The following FGD5 variants were observed in gnomAD, a reference collection of about 807,000 sequenced individuals.
The protein encoded by FGD5 is FYVE, RhoGEF and PH domain-containing protein 5.
A neutral mutation model predicts 133.4 loss-of-function variants in FGD5; 28 were observed. The observed-to-expected ratio is 0.21, with a 90% CI of 0.16 to 0.29. The LOEUF (loss-of-function observed/expected upper bound fraction) is 0.29, where lower values mean the gene tolerates loss of function less well. FGD5 is among the 10% of genes least tolerant of loss of function. The probability of loss-of-function intolerance (pLI) is 1.00; values close to 1 mark genes in which losing one functional copy is unlikely to be tolerated. For synonymous variants in FGD5, 810 were observed against 776.5 expected (o/e 1.04, Z -0.72); for missense variants, 1,858 against 1,895.2 (o/e 0.98, Z 0.36).
intron 4 of FGD5, among the ~76,000 whole-genome samples, chr3:14,891,429 G>A (rs2038025314): frequency 6.6e-6 from 1 of 152,248 alleles, no homozygotes; most frequent in Non-Finnish European, 1.5e-5. Context: ...TCTCTTTACA[G>A]CTTAGCCATG....
At chr3:14,932,377 C>G in intron 18 of FGD5, 200 bp from the exon 19 acceptor site, 1 of 567,366 alleles carries the variant, frequency 1.8e-6, no homozygotes, top group Non-Finnish European at 3.0e-6. Flanking sequence ...GCCACCACAC[C>G]CAGCCAGTGT....
chr3:14,877,656 T>G lies in FGD5; in HGVS notation c.2659-2916T>G, dbSNP rs553049857. Among the ~76,000 whole-genome samples, 9 of 152,294 alleles carry G rather than the reference T, an allele frequency of 5.9e-5. No individual in the cohort carries two copies. In the South Asian group the frequency reaches 1.7e-3, roughly 28 times the overall value. Reference sequence around the variant, plus strand: ...CAGCATAGTTGTCTTTGTGCCATTGTGGCCACGTTCTGAGGATCCGGAGTG... The same window carrying G: ...CAGCATAGTTGTCTTTGTGCCATTGGGGCCACGTTCTGAGGATCCGGAGTG... On this transcript the variant is annotated intron_variant, in intron 2 of 19. Coordinates refer to ENST00000285046, the MANE Select transcript of FGD5 (RefSeq NM_152536.4).
Position 14,929,934 on chromosome 3 carries a change from C to T in FGD5, c.4198-2643C>T, listed in dbSNP as rs372340830. On this transcript the variant is annotated intron_variant, in intron 18 of 19. Transcript: ENST00000285046. ...CTGTGTGCTAAGGCATTTTTGTCTA[C>T]GCAAGCTACAAAGTTATTTTCCTCT... 1.6e-4 allele frequency among the ~76,000 whole-genome samples: 24 copies of T among 152,300 alleles called. 2 individuals are homozygous for T. The South Asian group carries it at 2.1e-3, about 13-fold the overall frequency.
chr3:14,897,404 T>C, intron 4 of FGD5, 105 bp from the exon 5 acceptor site: 1 of 1,338,608 alleles, frequency 7.5e-7, no homozygotes, highest in Non-Finnish European at 1.0e-6. Flanking sequence ...TCCTCACTGC[T>C]GTCTTCACAG....
chr3:14,838,353 G>T (rs796469795), intron 1 of FGD5, among the ~76,000 whole-genome samples: 1 of 152,136 alleles, frequency 6.6e-6, no homozygotes, highest in Non-Finnish European at 1.5e-5. Context: ...TAATCTCCAC[G>T]TTATAACCTT....
intron 9 of FGD5, among the ~76,000 whole-genome samples, chr3:14,904,931 G>A (rs2038309783): frequency 6.6e-6 from 1 of 152,094 alleles, no homozygotes. Context: ...TGGGATTATA[G>A]GCATGAGCCA....
At chr3:14,905,571 A>G (rs2038323057) in intron 9 of FGD5, among the ~76,000 whole-genome samples, 2 of 152,036 alleles carry the variant, frequency 1.3e-5, no homozygotes, top group Non-Finnish European at 1.5e-5. Flanking sequence ...AAACCTGTCA[A>G]AGGAATTCTT....
Position 14,852,162 on chromosome 3 carries a change from A to G in FGD5, c.2526-11966A>G, listed in dbSNP as rs140155411. ...TGCGTACACAGATATTCACAGCAGCATTATACATGATAGCCAAAAAGAAAC... is the reference window on the plus strand; with the variant it reads ...TGCGTACACAGATATTCACAGCAGCGTTATACATGATAGCCAAAAAGAAAC... On this transcript the variant is annotated intron_variant, in intron 1 of 19. Transcript: ENST00000285046. 1.6e-3 allele frequency among the ~76,000 whole-genome samples: 238 copies of G among 152,366 alleles called. 1 individual carries two copies. The highest frequency in any genetic ancestry group is 5.3e-3 in the African/African-American group (220 of 41,582).
chr3:14,852,644 G>A (rs995808528), intron 1 of FGD5, among the ~76,000 whole-genome samples: 1 of 152,224 alleles, frequency 6.6e-6, no homozygotes. Context: ...TGATGCTGCT[G>A]CGTTTTAAGA....
chr3:14,835,598 A>G (rs1337595349), intron 1 of FGD5, among the ~76,000 whole-genome samples: 2 of 152,250 alleles, frequency 1.3e-5, no homozygotes, highest in Admixed American at 1.3e-4. Context: ...ATACTTGTGC[A>G]CTGCACTTTA....
At chr3:14,895,473 A>G (rs988856885) in intron 4 of FGD5, among the ~76,000 whole-genome samples, 1 of 152,170 alleles carries the variant, frequency 6.6e-6, no homozygotes, top group Non-Finnish European at 1.5e-5. Context: ...TCCTTTCCCC[A>G]GTGTATATTC....
chr3:14,890,928 C>T (rs898395005), intron 4 of FGD5, among the ~76,000 whole-genome samples: 1 of 152,182 alleles, frequency 6.6e-6, no homozygotes, highest in Non-Finnish European at 1.5e-5. Context: ...GTACTGTTAT[C>T]CCCATTTTAC....
At position 14,819,693 on chromosome 3, in the gene FGD5, G is replaced by A. The variant is rs199756592; in HGVS notation, c.622G>A (p.Asp208Asn). Residue 208 changes from aspartate (D) to asparagine (N), a missense_variant, in exon 1 of 20, where the codon GAC (aspartate) becomes AAC (asparagine). Coordinates refer to ENST00000285046, the MANE Select transcript of FGD5 (RefSeq NM_152536.4). The surrounding 1 kb of genome is among the most constrained non-coding windows in gnomAD (Gnocchi z 4.1). ...CCATGGAGAGGACCAGGAGCCCCCC[G>A]ACACCCCCGGGGAGGCAGAGGAGGA... The part of the protein sequence containing the change: ...HIHGEDQEPP[D>N]TPGEAEEDDE... 6.4e-5 allele frequency: 98 copies of A among 1,538,858 alleles called. No homozygotes were observed. Among genetic ancestry groups the A allele is most frequent in the African/African-American group, 1.1e-4 (8 of 72,916 alleles).
At chr3:14,852,394 A>G (rs1413394348) in intron 1 of FGD5, among the ~76,000 whole-genome samples, 1 of 152,260 alleles carries the variant, frequency 6.6e-6, no homozygotes, top group East Asian at 1.9e-4. Flanking sequence ...GCAAATCCGT[A>G]GAGACGGGAA....
intron 2 of FGD5, among the ~76,000 whole-genome samples, chr3:14,878,730 T>TC (rs975380359): frequency 6.6e-6 from 1 of 151,386 alleles, no homozygotes; most frequent in African/African-American, 2.4e-5. Flanking sequence ...CCATGCTTTT[T>TC]TTTTTTTTTT....
chr3:14,873,647 T>C (rs2037654466), intron 2 of FGD5, among the ~76,000 whole-genome samples: 1 of 151,884 alleles, frequency 6.6e-6, no homozygotes, highest in Admixed American at 6.6e-5. Context: ...TTCCAGAAGG[T>C]GAGAGAGCTG....
chr3:14,814,645 T>G (rs1049283524), upstream of FGD5, among the ~76,000 whole-genome samples: 1 of 152,140 alleles, frequency 6.6e-6, no homozygotes, highest in African/African-American at 2.4e-5. Flanking sequence ...GCTCCTGCCT[T>G]AAATTCCATC....
At position 14,918,715 on chromosome 3, in the gene FGD5, C is replaced by T. The variant is rs117125942; in HGVS notation, c.3490-39C>T. 35 of 1,598,732 alleles carry T rather than the reference C, an allele frequency of 2.2e-5. No individual in the cohort carries two copies. In the East Asian group the frequency reaches 7.4e-4, roughly 34 times the overall value. Reference sequence around the variant, plus strand: ...AGAAGCCGGTCTACACTTGCCCCTCCCTGCCCCACCCTGAAGGAGGCTGCT... The same window carrying T: ...AGAAGCCGGTCTACACTTGCCCCTCTCTGCCCCACCCTGAAGGAGGCTGCT... On this transcript the variant is annotated intron_variant, in intron 12 of 19. Transcript: ENST00000285046.
At position 14,819,064 on chromosome 3, in the gene FGD5, C is replaced by G; in HGVS notation, c.-8C>G. On this transcript the variant is annotated 5_prime_UTR_variant, in exon 1 of 20. Transcript: ENST00000285046. This position sits in a 1 kb window ranked among gnomAD's most constrained non-coding sequence, Gnocchi z 4.1. ...GCCAGGCCCGAGAGTCTTCACAGTC[C>G]AAACTCCATGTTCAGGGGTCCGAAG... is the stretch of plus-strand genomic sequence containing the variant. 2 of 1,544,954 alleles carry G rather than the reference C, an allele frequency of 1.3e-6. No individual in the cohort carries two copies. Among genetic ancestry groups the G allele is most frequent in the Non-Finnish European group, 1.7e-6 (2 of 1,145,058 alleles).
Sources: allele counts gnomAD v4.1 joint callset (sites outside exome capture counted in the v4.1 genomes callset), GRCh38; gene constraint gnomAD v4.1.1; non-coding constraint Gnocchi (gnomAD v3.1); transcripts MANE v1.5; gene names NCBI Gene and HGNC (gene_info 2026-07-23, HGNC 2026-07-21).